The following AP1M1 variants were observed in gnomAD, a reference collection of about 807,000 sequenced individuals.
AP1M1 encodes AP-1 complex subunit mu-1.
AP1M1 carries 18 observed loss-of-function variants against 57.1 expected under a neutral mutation model. The observed-to-expected ratio is 0.32, with a 90% CI of 0.22 to 0.47. AP1M1 has a LOEUF of 0.47. Among genes scored for constraint, AP1M1 ranks in the 20% least tolerant of loss-of-function variants. The probability of loss-of-function intolerance (pLI) is 1.00; values close to 1 mark genes in which losing one functional copy is unlikely to be tolerated. For synonymous variants in AP1M1, 241 were observed against 237.9 expected, an observed-to-expected ratio of 1.01 and a Z score of -0.12; for missense variants, 362 against 593.5, an observed-to-expected ratio of 0.61 and a Z score of 4.05.
chr19:16,213,742 C>T (rs1016933175), intron 5 of AP1M1, among the ~76,000 whole-genome samples: 2 of 152,184 alleles, frequency 1.3e-5, no homozygotes, highest in Non-Finnish European at 2.9e-5. Context: ...ATCCACTCGC[C>T]TCGGCCTCCC....
rs557638445 is a variant in AP1M1, at chr19:16,234,811, C to T, written c.*376C>T. 9.2e-5 allele frequency: 35 copies of T among 381,958 alleles called. No homozygotes were observed. In the South Asian group the frequency reaches 1.3e-3, roughly 14 times the overall value. The allele number at this position is 381,958 out of a possible 1,614,324, so 23.7% of individuals were successfully genotyped here. On this transcript the variant is annotated 3_prime_UTR_variant, in exon 12 of 12. Coordinates refer to ENST00000291439, the MANE Select transcript of AP1M1 (RefSeq NM_032493.4). ...GTGGCATCTGCCACGAAGGAAGCGC[C>T]AGCCTCGCCAGGCCAGCAGGGGCGT...
At chr19:16,198,603 G>C (rs2091434412) in intron 1 of AP1M1, among the ~76,000 whole-genome samples, 1 of 152,170 alleles carries the variant, frequency 6.6e-6, no homozygotes, top group Non-Finnish European at 1.5e-5. Flanking sequence ...TGGTGATCAC[G>C]AGTGCCGTTT....
intron 5 of AP1M1, among the ~76,000 whole-genome samples, chr19:16,216,190 A>C (rs2091518209): frequency 6.6e-6 from 1 of 152,166 alleles, no homozygotes; most frequent in Non-Finnish European, 1.5e-5. Flanking sequence ...AGCCTAGTTA[A>C]GAACTCTTGC....
At chr19:16,208,234 A>T in intron 4 of AP1M1, 85 bp downstream of exon 4, 1 of 1,444,430 alleles carries the variant, frequency 6.9e-7, no homozygotes, top group Non-Finnish European at 9.3e-7. Flanking sequence ...AGAAGGGGCA[A>T]ATTTGTGTTC....
At chr19:16,221,993 A>G (rs1392768722) in intron 5 of AP1M1, among the ~76,000 whole-genome samples, 1 of 150,800 alleles carries the variant, frequency 6.6e-6, no homozygotes, top group Non-Finnish European at 1.5e-5. Context: ...GCCCTCAGAT[A>G]TGTTTTTGTC....
At chr19:16,224,271 C>A (rs1568353770) in intron 5 of AP1M1, among the ~76,000 whole-genome samples, 2 of 152,156 alleles carry the variant, frequency 1.3e-5, no homozygotes, top group Non-Finnish European at 1.5e-5. Flanking sequence ...CTGTGGGGTG[C>A]AAAGGCAAGT....
At chr19:16,210,313 A>G (rs1472992399) in intron 5 of AP1M1, 1 of 703,386 alleles carries the variant, frequency 1.4e-6, no homozygotes, top group Admixed American at 2.0e-5. Context: ...TGCTAGAAAC[A>G]TGTCGTGTCC....
chr19:16,207,059 A>G lies in AP1M1; in HGVS notation c.267+651A>G, dbSNP rs1478133022. On this transcript the variant is annotated intron_variant, in intron 3 of 11. Transcript: ENST00000291439. This position sits in a 1 kb window ranked among gnomAD's most constrained non-coding sequence, Gnocchi z 4.2. The stretch of plus-strand genomic sequence containing the variant: ...ACTGACAAGACGTGGTTTGATCTAA[A>G]GCAGCCTCTCTGGCTGCTGAGCAGA... Among the ~76,000 whole-genome samples, 1 of 152,210 alleles carries G rather than the reference A, an allele frequency of 6.6e-6. No homozygotes were observed. Among genetic ancestry groups the G allele is most frequent in the Non-Finnish European group, 1.5e-5 (1 of 68,036 alleles).
intron 5 of AP1M1, among the ~76,000 whole-genome samples, chr19:16,224,444 C>T (rs1324865086): frequency 6.6e-6 from 1 of 152,260 alleles, no homozygotes; most frequent in Non-Finnish European, 1.5e-5. Context: ...AAGTGGCTTG[C>T]AGAGCTGGTG....
At chr19:16,198,897 T>G (rs2091436128) in intron 1 of AP1M1, among the ~76,000 whole-genome samples, 2 of 151,890 alleles carry the variant, frequency 1.3e-5, no homozygotes, top group Non-Finnish European at 2.9e-5. Flanking sequence ...AACCTCCGCC[T>G]CCCGGGTTCA....
chr19:16,201,687 C>G (rs1038454510), intron 1 of AP1M1, among the ~76,000 whole-genome samples: 1 of 152,138 alleles, frequency 6.6e-6, no homozygotes, highest in African/African-American at 2.4e-5. Flanking sequence ...CGTGAGCCAC[C>G]GCGCCCAGCT....
chr19:16,198,008 G>GCCGCCACCGCCCTCGGCCGCTGCCC lies in AP1M1; in HGVS notation c.-19_-18insCCGCCACCGCCCTCGGCCGCTGCCC, dbSNP rs1555722861. 1 of 1,575,866 alleles carries GCCGCCACCGCCCTCGGCCGCTGCCC rather than the reference G, an allele frequency of 6.3e-7. No homozygotes were observed. Among genetic ancestry groups the GCCGCCACCGCCCTCGGCCGCTGCCC allele is most frequent in the Non-Finnish European group, 8.6e-7 (1 of 1,166,038 alleles). On this transcript the variant is annotated 5_prime_UTR_variant, in exon 1 of 12. Coordinates refer to ENST00000291439, the MANE Select transcript of AP1M1 (RefSeq NM_032493.4). The stretch of plus-strand genomic sequence containing the variant: ...GCCGCCACCGCCCTCGGCCGCTGCC[G>GCCGCCACCGCCCTCGGCCGCTGCCC]AGGCCTCCTGCAGCCATCATGTCCG...
At position 16,227,778 on chromosome 19, in the gene AP1M1, C is replaced by A; in HGVS notation, c.816+88C>A. ...GTGAAGCCCAGGCAGGCGCCAGGGCCAGCCCCACCCCACGCTCCATGAGCT... is the reference window on the plus strand; with the variant it reads ...GTGAAGCCCAGGCAGGCGCCAGGGCAAGCCCCACCCCACGCTCCATGAGCT... On this transcript the variant is annotated intron_variant, in intron 7 of 11. Coordinates refer to ENST00000291439, the MANE Select transcript of AP1M1 (RefSeq NM_032493.4). The surrounding 1 kb of genome is among the most constrained non-coding windows in gnomAD (Gnocchi z 6.2). 6.8e-7 allele frequency: 1 copy of A among 1,479,204 alleles called. No individual in the cohort carries two copies. Among genetic ancestry groups the A allele is most frequent in the Non-Finnish European group, 9.2e-7 (1 of 1,081,646 alleles). 91.6% of individuals were successfully genotyped at this position (1,479,204 alleles called of 1,614,324 possible).
intron 1 of AP1M1, among the ~76,000 whole-genome samples, chr19:16,201,351 G>A (rs1393826573): frequency 1.3e-5 from 2 of 149,898 alleles, no homozygotes; most frequent in African/African-American, 4.9e-5. Context: ...TCAGAGGGAT[G>A]GGACATGATC....
In AP1M1 at chr19:16,227,234, C is replaced by T. The variant is rs547566267; in HGVS notation, c.674-314C>T. Among the ~76,000 whole-genome samples, 1 of 152,306 alleles carries T rather than the reference C, an allele frequency of 6.6e-6. No individual in the cohort carries two copies. The highest frequency in any genetic ancestry group is 2.1e-4 in the South Asian group (1 of 4,832). On this transcript the variant is annotated intron_variant, in intron 6 of 11. Coordinates refer to ENST00000291439, the MANE Select transcript of AP1M1 (RefSeq NM_032493.4). This position sits in a 1 kb window ranked among gnomAD's most constrained non-coding sequence, Gnocchi z 6.2. Reference sequence around the variant, plus strand: ...GAGCCCTTGGGGAGCCCCGAGCCATCCCCCAGCCAAGTCCACTGATCAATC... The same window carrying T: ...GAGCCCTTGGGGAGCCCCGAGCCATTCCCCAGCCAAGTCCACTGATCAATC...
At position 16,242,954 on chromosome 19, in the gene AP1M1, T is replaced by G. The variant is rs148821251; in HGVS notation, c.*8519T>G. ...ATTTTTGTATTTTTTTTATTTTTAG[T>G]AGAGACAGGGTTTTGCCATGTTGGC... On this transcript the variant is annotated 3_prime_UTR_variant, in exon 12 of 12. Coordinates refer to ENST00000291439, the MANE Select transcript of AP1M1 (RefSeq NM_032493.4). 6.6e-6 allele frequency: 1 copy of G among 152,294 alleles called. No homozygotes were observed. Among genetic ancestry groups the G allele is most frequent in the Non-Finnish European group, 1.5e-5 (1 of 68,040 alleles). 9.4% of individuals were successfully genotyped at this position (152,294 alleles called of 1,614,324 possible). A position where few individuals can be genotyped will look rare whatever the true frequency, so the allele number is the denominator to read the frequency against.
intron 5 of AP1M1, among the ~76,000 whole-genome samples, chr19:16,217,849 G>A (rs566639349): frequency 1.1e-4 from 16 of 152,082 alleles, no homozygotes; most frequent in Non-Finnish European, 2.1e-4. Context: ...GTTCTGCCCC[G>A]CCTGAGGTAG....
intron 5 of AP1M1, among the ~76,000 whole-genome samples, chr19:16,224,994 C>T (rs1257496156): frequency 1.3e-5 from 2 of 152,050 alleles, no homozygotes; most frequent in Non-Finnish European, 2.9e-5. Context: ...AGCAGGCAGA[C>T]GCAGGGAAGC....
At chr19:16,204,582 G>A (rs913516999) in intron 2 of AP1M1, among the ~76,000 whole-genome samples, 3 of 152,186 alleles carry the variant, frequency 2.0e-5, no homozygotes, top group Non-Finnish European at 4.4e-5. Flanking sequence ...GAGACACTTG[G>A]GGCCTTGCCA....
Sources: gnomAD v4.1 joint callset for allele counts (sites outside exome capture counted in the v4.1 genomes callset) on GRCh38, gnomAD v4.1.1 for gene constraint, Gnocchi (gnomAD v3.1) non-coding constraint, MANE v1.5 for transcripts, NCBI Gene and HGNC (gene_info 2026-07-23, HGNC 2026-07-21) for gene names.